Variants in DNTTIP1 observed in about 807,000 individuals in gnomAD.
DNTTIP1 encodes deoxynucleotidyltransferase terminal interacting protein 1.
A neutral mutation model predicts 52.9 loss-of-function variants in DNTTIP1; 22 were observed. That is an observed-to-expected ratio of 0.42 (90% CI 0.30 to 0.59). The LOEUF is 0.59. Among genes scored for constraint, DNTTIP1 ranks in the 20% least tolerant of loss-of-function variants. The pLI is 0.22. For missense variants in DNTTIP1, 286 were observed against 435.5 expected, an observed-to-expected ratio of 0.66 and a Z score of 3.06; for synonymous variants, 136 against 155.1, an observed-to-expected ratio of 0.88 and a Z score of 0.92.
chr20:45,801,193 G>A, intron 5 of DNTTIP1, 51 bp downstream of exon 5: 1 of 1,573,426 alleles, frequency 6.4e-7, no homozygotes, highest in Non-Finnish European at 8.7e-7. Flanking sequence ...CTTCAGGCTG[G>A]GAGGCAAGTG....
Position 45,791,989 on chromosome 20 carries a change from G to A in DNTTIP1, c.-16G>A. The A allele has an allele frequency of 3.2e-6, 4 of 1,245,548 alleles. No individual in the cohort carries two copies. The highest frequency in any genetic ancestry group is 4.0e-6 in the Non-Finnish European group (4 of 991,914). The allele number at this position is 1,245,548 out of a possible 1,614,324, so 77.2% of individuals were successfully genotyped here. ...CGGTGACAGAGTCCAGCGGAGTTGT[G>A]GGGGCCGGGGGCGCCATGGGAGCCA... On this transcript the variant is annotated 5_prime_UTR_variant, in exon 1 of 13. Transcript: ENST00000372622.
chr20:45,807,200 G>A (rs546926122), intron 10 of DNTTIP1, among the ~76,000 whole-genome samples: 9 of 151,856 alleles, frequency 5.9e-5, no homozygotes, highest in East Asian at 3.9e-4. Flanking sequence ...TCAGCTCACC[G>A]CATCCTCCAC....
At chr20:45,793,851 T>C in intron 2 of DNTTIP1, 70 bp from the exon 3 acceptor site, 1 of 944,818 alleles carries the variant, frequency 1.1e-6, no homozygotes, top group East Asian at 2.7e-5. Context: ...ATGTCCATAA[T>C]TAACTGGGGA....
chr20:45,809,071 C>T lies in DNTTIP1; in HGVS notation c.724-43C>T, dbSNP rs1323637450. 6 of 1,565,698 alleles carry T rather than the reference C, an allele frequency of 3.8e-6. No individual in the cohort carries two copies. The highest frequency in any genetic ancestry group is 5.3e-6 in the Non-Finnish European group (6 of 1,136,324). On this transcript the variant is annotated intron_variant, in intron 10 of 12. Coordinates refer to ENST00000372622, the MANE Select transcript of DNTTIP1 (RefSeq NM_052951.3). The surrounding 1 kb of genome is among the most constrained non-coding windows in gnomAD (Gnocchi z 4.2). ...TGCTCTGGGACCAAATGAGAAAAGCCCCTTACCCGAGGCTAATTTTCTTAC... is the reference window on the plus strand; with the variant it reads ...TGCTCTGGGACCAAATGAGAAAAGCTCCTTACCCGAGGCTAATTTTCTTAC...
chr20:45,801,882 G>A (rs995049216), intron 6 of DNTTIP1, 117 bp from the exon 7 acceptor site: 4 of 1,069,894 alleles, frequency 3.7e-6, no homozygotes, highest in East Asian at 2.4e-5. Flanking sequence ...CCCTGTCCCT[G>A]TCAAACATCA....
At chr20:45,800,694 A>AATATATAT (rs1158615012) in intron 4 of DNTTIP1, among the ~76,000 whole-genome samples, 2 of 16,416 alleles carry the variant, frequency 1.2e-4, no homozygotes, top group South Asian at 2.2e-3. Context: ...AAAAAAAAAA[A>AATATATAT]ATATATATAT....
intron 4 of DNTTIP1, among the ~76,000 whole-genome samples, chr20:45,797,711 GCCAAAAGA>G (rs1981288533): frequency 6.6e-6 from 1 of 152,150 alleles, no homozygotes; most frequent in Non-Finnish European, 1.5e-5. Flanking sequence ...CATTTATGCA[GCCAAAAGA>G]CACATGAAAA....
At position 45,809,781 on chromosome 20, in the gene DNTTIP1, C is replaced by T. The variant is rs950351793; in HGVS notation, c.795+596C>T. 6.6e-6 allele frequency among the ~76,000 whole-genome samples: 1 copy of T among 152,246 alleles called. No individual in the cohort carries two copies. The highest frequency in any genetic ancestry group is 2.1e-4 in the South Asian group (1 of 4,836). ...TGTCCCCCACCTGAGGACTCACTCACTCCCACCACAGGTACTGCTCCTTTT... is the reference window on the plus strand; with the variant it reads ...TGTCCCCCACCTGAGGACTCACTCATTCCCACCACAGGTACTGCTCCTTTT... On this transcript the variant is annotated intron_variant, in intron 11 of 12. Coordinates refer to ENST00000372622, the MANE Select transcript of DNTTIP1 (RefSeq NM_052951.3). The surrounding 1 kb of genome is among the most constrained non-coding windows in gnomAD (Gnocchi z 4.2).
chr20:45,793,852 T>C (rs1309774444), intron 2 of DNTTIP1, 69 bp from the exon 3 acceptor site: 1 of 959,826 alleles, frequency 1.0e-6, no homozygotes, highest in Non-Finnish European at 1.6e-6. Flanking sequence ...TGTCCATAAT[T>C]AACTGGGGAG....
intron 2 of DNTTIP1, among the ~76,000 whole-genome samples, chr20:45,793,471 G>A (rs1981115260): frequency 2.0e-5 from 3 of 152,100 alleles, no homozygotes; most frequent in Non-Finnish European, 2.9e-5. Flanking sequence ...AGTCTGAGGC[G>A]GGCAGATCAC....
intron 1 of DNTTIP1, 108 bp downstream of exon 1, chr20:45,792,217 G>C: frequency 3.0e-6 from 2 of 677,758 alleles, no homozygotes; most frequent in Non-Finnish European, 4.2e-6. Flanking sequence ...TGCAGAGGGG[G>C]TTGGCGTTTT....
chr20:45,799,970 A>C (rs1044973607), intron 4 of DNTTIP1, among the ~76,000 whole-genome samples: 1 of 151,258 alleles, frequency 6.6e-6, no homozygotes, highest in Non-Finnish European at 1.5e-5. Flanking sequence ...AAAAAAAAAA[A>C]AATTAGCTGG....
At chr20:45,797,710 A>G (rs1483834371) in intron 4 of DNTTIP1, among the ~76,000 whole-genome samples, 1 of 152,264 alleles carries the variant, frequency 6.6e-6, no homozygotes, top group African/African-American at 2.4e-5. Flanking sequence ...ACATTTATGC[A>G]GCCAAAAGAC....
chr20:45,795,739 C>T (rs1234483479), intron 4 of DNTTIP1, among the ~76,000 whole-genome samples: 3 of 152,092 alleles, frequency 2.0e-5, no homozygotes, highest in Non-Finnish European at 2.9e-5. Flanking sequence ...ACAGAGGTTG[C>T]GGTGAGCCGA....
At chr20:45,799,555 T>G (rs1427980415) in intron 4 of DNTTIP1, among the ~76,000 whole-genome samples, 1 of 152,152 alleles carries the variant, frequency 6.6e-6, no homozygotes, top group Non-Finnish European at 1.5e-5. Context: ...CCTTCACATC[T>G]CAACTCAGAG....
Position 45,811,383 on chromosome 20 carries a change from G to A in DNTTIP1, c.*188G>A, listed in dbSNP as rs1981849059. 2 of 585,158 alleles carry A rather than the reference G, an allele frequency of 3.4e-6. No individual in the cohort carries two copies. Among genetic ancestry groups the A allele is most frequent in the Non-Finnish European group, 5.7e-6 (2 of 350,144 alleles). 36.2% of individuals were successfully genotyped at this position (585,158 alleles called of 1,614,324 possible). A position where few individuals can be genotyped will look rare whatever the true frequency, so the allele number is the denominator to read the frequency against. On this transcript the variant is annotated 3_prime_UTR_variant, in exon 13 of 13. Coordinates refer to ENST00000372622, the MANE Select transcript of DNTTIP1 (RefSeq NM_052951.3). ...TGGTTCTATATTTGTAAAGTTATTG[G>A]GATAAGAAACAATTAAACAGTTTGT...
intron 10 of DNTTIP1, among the ~76,000 whole-genome samples, chr20:45,808,745 G>A (rs576777697): frequency 1.9e-4 from 29 of 152,314 alleles, no homozygotes; most frequent in African/African-American, 5.3e-4. Context: ...AGTACATGAG[G>A]TGTCCCGATT....
At position 45,805,297 on chromosome 20, in the gene DNTTIP1, A is replaced by G. The variant is rs1213238665; in HGVS notation, c.663-9A>G. 1 of 1,614,014 alleles carries G rather than the reference A, an allele frequency of 6.2e-7. No individual in the cohort carries two copies. The highest frequency in any genetic ancestry group is 1.1e-5 in the South Asian group (1 of 91,078). ...CTGGAATCTTGACCACTTGGCTTTTACTTTTCAGAGCCCTGGGGATGGGGG... is the reference window on the plus strand; with the variant it reads ...CTGGAATCTTGACCACTTGGCTTTTGCTTTTCAGAGCCCTGGGGATGGGGG... On this transcript the variant is annotated splice_polypyrimidine_tract_variant and intron_variant, in intron 9 of 12. Coordinates refer to ENST00000372622, the MANE Select transcript of DNTTIP1 (RefSeq NM_052951.3).
chr20:45,798,887 GATAA>G (rs1189859676), intron 4 of DNTTIP1, among the ~76,000 whole-genome samples: 1 of 152,154 alleles, frequency 6.6e-6, no homozygotes, highest in Non-Finnish European at 1.5e-5. Flanking sequence ...ACAAACAAAT[GATAA>G]ATGAACAAAC....
Sources: gnomAD v4.1 joint callset for allele counts (sites outside exome capture counted in the v4.1 genomes callset) on GRCh38, gnomAD v4.1.1 for gene constraint, Gnocchi (gnomAD v3.1) non-coding constraint, MANE v1.5 for transcripts, NCBI Gene and HGNC (gene_info 2026-07-23, HGNC 2026-07-21) for gene names.